The following CCNDBP1 variants were observed in gnomAD, a reference collection of about 807,000 sequenced individuals.
CCNDBP1 encodes the protein cyclin D1 binding protein 1, also known as cyclin-D1-binding protein 1.
In CCNDBP1, 45 loss-of-function variants were observed where a neutral mutation model predicts 46.2. The ratio of observed to expected loss-of-function variants is 0.97; its 90% CI spans 0.77 to 1.25. The LOEUF (loss-of-function observed/expected upper bound fraction) is 1.25. Among genes scored for constraint, CCNDBP1 ranks in the 50% most tolerant of loss-of-function variants. The probability of loss-of-function intolerance (pLI) is 0.00; values close to 1 mark genes in which losing one functional copy is unlikely to be tolerated. For missense variants in CCNDBP1, 436 were observed against 442.1 expected, an observed-to-expected ratio of 0.99 and a Z score of 0.12; for synonymous variants, 154 against 163.6, an observed-to-expected ratio of 0.94 and a Z score of 0.45.
At chr15:43,187,745 A>G (rs2041876718) in intron 3 of CCNDBP1, among the ~76,000 whole-genome samples, 1 of 152,214 alleles carries the variant, frequency 6.6e-6, no homozygotes, top group African/African-American at 2.4e-5. Flanking sequence ...ACTGCAAGTA[A>G]GATACCACAA....
At position 43,190,325 on chromosome 15, in the gene CCNDBP1, C is replaced by T; in HGVS notation, c.429C>T (p.Ser143=). Residue 143 remains serine (S), a splice_region_variant and synonymous_variant, in exon 6 of 11, where the codon AGC becomes AGT. Transcript: ENST00000300213. ...MEVLSVTPTQ[S]PENNDLISYN... is the part of the protein sequence containing the mutation. ...TATCCTTACTGATTTCTTTCCCCAGCCCTGAGAACAATGACCTTATTTCCT... is the reference window on the plus strand; with the variant it reads ...TATCCTTACTGATTTCTTTCCCCAGTCCTGAGAACAATGACCTTATTTCCT... The T allele has an allele frequency of 6.2e-7, 1 of 1,614,044 alleles. No individual in the cohort carries two copies. Among genetic ancestry groups the T allele is most frequent in the Non-Finnish European group, 8.5e-7 (1 of 1,179,958 alleles).
intron 9 of CCNDBP1, 57 bp downstream of exon 9, chr15:43,192,860 C>A: frequency 1.4e-6 from 2 of 1,444,734 alleles, no homozygotes; most frequent in Non-Finnish European, 2.0e-6. Context: ...TTTCACTAAT[C>A]ACTAGTATTT....
chr15:43,190,750 G>A (rs994740390), intron 6 of CCNDBP1, among the ~76,000 whole-genome samples: 4 of 152,154 alleles, frequency 2.6e-5, no homozygotes, highest in Non-Finnish European at 5.9e-5. Context: ...TAAACATCAT[G>A]TGACCATTTT....
At chr15:43,191,343 C>CTTTT (rs3214529) in intron 7 of CCNDBP1, 52 bp from the exon 8 acceptor site, 110 of 682,512 alleles carry the variant, frequency 1.6e-4, no homozygotes, top group South Asian at 4.3e-4. Flanking sequence ...TAGGCCTCGC[C>CTTTT]TTTTTTTTTT....
chr15:43,193,798 T>C (rs78531637), intron 9 of CCNDBP1, among the ~76,000 whole-genome samples: 1,641 of 152,304 alleles, frequency 0.011, 26 homozygotes, highest in African/African-American at 0.037. Flanking sequence ...GTCTTCATGA[T>C]GTATAAACAC....
At position 43,185,500 on chromosome 15, in the gene CCNDBP1, TG is replaced by T. The variant is rs1319549664; in HGVS notation, c.4del (p.Ala2?). On this transcript the variant is annotated frameshift_variant and start_lost, in exon 1 of 11. Coordinates refer to ENST00000300213, the MANE Select transcript of CCNDBP1 (RefSeq NM_012142.5). LOFTEE classifies it high-confidence loss of function. [M>X]ASATAPAAAV... is the part of the protein sequence containing the mutation. ...TGCGGCCTTCGGCAAGCGACTGAGA[TG>T]GCGAGCGCAACTGCACCTGCAGCCG... The T allele has an allele frequency of 6.3e-7, 1 of 1,588,224 alleles. No homozygotes were observed. The highest frequency in any genetic ancestry group is 8.5e-7 in the Non-Finnish European group (1 of 1,170,924).
intron 3 of CCNDBP1, among the ~76,000 whole-genome samples, chr15:43,188,166 T>C (rs757191174): frequency 2.0e-5 from 3 of 152,208 alleles, no homozygotes; most frequent in Non-Finnish European, 4.4e-5. Context: ...GTAGACTGGC[T>C]CCAACCTGGA....
Position 43,195,081 on chromosome 15 carries a change from G to A in CCNDBP1, c.*240G>A, listed in dbSNP as rs142608143. The stretch of plus-strand genomic sequence containing the variant: ...TAATTGCATGATTTCTCATTCCTGA[G>A]TCATTTCTCAGAGATTCCTAGGAAA... On this transcript the variant is annotated 3_prime_UTR_variant, in exon 11 of 11. Transcript: ENST00000300213. 7.7e-4 allele frequency: 274 copies of A among 354,454 alleles called. No homozygotes were observed. The highest frequency in any genetic ancestry group is 5.4e-3 in the African/African-American group (258 of 47,486). 22.0% of individuals were successfully genotyped at this position (354,454 alleles called of 1,614,324 possible). A position where few individuals can be genotyped will look rare whatever the true frequency, so the allele number is the denominator to read the frequency against.
At chr15:43,193,936 C>G in intron 9 of CCNDBP1, 1 of 254,288 alleles carries the variant, frequency 3.9e-6, no homozygotes, top group Non-Finnish European at 7.8e-6. Context: ...ATAGTATCTG[C>G]TCTAGCAATT....
In CCNDBP1 at chr15:43,189,181, C is replaced by A; in HGVS notation, c.250-18C>A. ...GAAGGGTTGACCACTTTGATCTAAT[C>A]TGTTTCCTTTTTCATAGGAAACCCA... is the stretch of plus-strand genomic sequence containing the variant. On this transcript the variant is annotated intron_variant, in intron 3 of 10. Transcript: ENST00000300213. 3 of 1,455,280 alleles carry A rather than the reference C, an allele frequency of 2.1e-6. No homozygotes were observed. Among genetic ancestry groups the A allele is most frequent in the East Asian group, 2.6e-5 (1 of 38,714 alleles). 90.1% of individuals were successfully genotyped at this position (1,455,280 alleles called of 1,614,324 possible).
intron 3 of CCNDBP1, among the ~76,000 whole-genome samples, chr15:43,187,271 AT>A (rs1444319407): frequency 2.8e-3 from 392 of 141,468 alleles, no homozygotes; most frequent in Admixed American, 2.4e-3. Flanking sequence ...TACCTTTGAG[AT>A]TTTTTTTTTT....
chr15:43,194,923 T>G lies in CCNDBP1; in HGVS notation c.*82T>G. 1 of 859,560 alleles carries G rather than the reference T, an allele frequency of 1.2e-6. No individual in the cohort carries two copies. Among genetic ancestry groups the G allele is most frequent in the Non-Finnish European group, 1.9e-6 (1 of 523,410 alleles). 53.2% of individuals were successfully genotyped at this position (859,560 alleles called of 1,614,324 possible). ...ACCTGCTTTTAAAATGGAGCTAGAATGCTTGCTGGATTGAAAGGGAGTGCC... is the reference window on the plus strand; with the variant it reads ...ACCTGCTTTTAAAATGGAGCTAGAAGGCTTGCTGGATTGAAAGGGAGTGCC... On this transcript the variant is annotated 3_prime_UTR_variant, in exon 11 of 11. Coordinates refer to ENST00000300213, the MANE Select transcript of CCNDBP1 (RefSeq NM_012142.5).
chr15:43,189,105 G>GAAA, intron 3 of CCNDBP1, 94 bp from the exon 4 acceptor site: 1 of 237,156 alleles, frequency 4.2e-6, no homozygotes, highest in Non-Finnish European at 7.7e-6. Flanking sequence ...AAAAAAAAAA[G>GAAA]AAAAAGAAAG....
chr15:43,191,438 C>T lies in CCNDBP1; in HGVS notation c.623C>T (p.Thr208Ile), dbSNP rs1252392279. The T allele has an allele frequency of 1.3e-6, 2 of 1,498,434 alleles. No homozygotes were observed. The highest frequency in any genetic ancestry group is 3.7e-5 in the Admixed American group (2 of 53,836). 92.8% of individuals were successfully genotyped at this position (1,498,434 alleles called of 1,614,324 possible). Residue 208 changes from threonine (T) to isoleucine (I), a missense_variant, in exon 8 of 11, where the codon ACT becomes ATT. By Grantham distance (89) the Thr-to-Ile change is moderately conservative. Coordinates refer to ENST00000300213, the MANE Select transcript of CCNDBP1 (RefSeq NM_012142.5). Reference protein sequence around the residue: ...CDPYSGLLNDTEENNSDNHNH... With the variant: ...CDPYSGLLNDIEENNSDNHNH... Reference sequence around the variant, plus strand: ...CCTTACTCTGGCCTCTTGAATGATACTGAGGAGAACAACTCTGACAACCAC... The same window carrying T: ...CCTTACTCTGGCCTCTTGAATGATATTGAGGAGAACAACTCTGACAACCAC...
intron 3 of CCNDBP1, among the ~76,000 whole-genome samples, chr15:43,187,261 T>C (rs948984860): frequency 4.0e-5 from 6 of 151,784 alleles, no homozygotes; most frequent in African/African-American, 1.5e-4. Context: ...TCCTCCTACA[T>C]ACCTTTGAGA....
intron 6 of CCNDBP1, 108 bp downstream of exon 6, chr15:43,190,506 G>C: frequency 1.4e-6 from 1 of 735,754 alleles, no homozygotes; most frequent in Non-Finnish European, 2.3e-6. Context: ...ACAGTCTAGT[G>C]AAATATATAT....
intron 9 of CCNDBP1, chr15:43,194,057 T>TTC: frequency 3.0e-6 from 1 of 338,912 alleles, no homozygotes; most frequent in Non-Finnish European, 5.6e-6. Context: ...TTTTTTTTTT[T>TTC]TTTTTTTTTT....
At position 43,194,787 on chromosome 15, in the gene CCNDBP1, T is replaced by G; in HGVS notation, c.1029T>G (p.Ile343Met). The G allele has an allele frequency of 1.2e-6, 2 of 1,614,006 alleles. No individual in the cohort carries two copies. The highest frequency in any genetic ancestry group is 8.5e-7 in the Non-Finnish European group (1 of 1,179,846). The change falls in exon 11 of 11, where the codon ATT becomes ATG. Residue 343 changes from isoleucine (I) to methionine (M), a missense_variant. Ile to Met is a conservative substitution (Grantham distance 10). Coordinates refer to ENST00000300213, the MANE Select transcript of CCNDBP1 (RefSeq NM_012142.5). ...DSWIPLLINA[I>M]DHCMNRIKEL... Reference sequence around the variant, plus strand: ...GGATCCCTTTACTTATTAATGCCATTGATCATTGCATGAATAGAATCAAGG... The same window carrying G: ...GGATCCCTTTACTTATTAATGCCATGGATCATTGCATGAATAGAATCAAGG...
At chr15:43,188,995 T>C in intron 3 of CCNDBP1, 1 of 356,334 alleles carries the variant, frequency 2.8e-6, no homozygotes. Context: ...GGAGAACTGC[T>C]TGAACCTGGG....
Sources: allele counts gnomAD v4.1 joint callset (sites outside exome capture counted in the v4.1 genomes callset), GRCh38; gene constraint gnomAD v4.1.1; transcripts MANE v1.5; gene names NCBI Gene and HGNC (gene_info 2026-07-23, HGNC 2026-07-21).